Variants in ZFR2 observed in about 807,000 individuals in gnomAD.
ZFR2 encodes zinc finger RNA binding protein 2.
In ZFR2, 104 loss-of-function variants were observed where a neutral mutation model predicts 105.7. The ratio of observed to expected loss-of-function variants is 0.98; its 90% CI spans 0.84 to 1.16. ZFR2 has a LOEUF of 1.16. Among genes scored for constraint, ZFR2 ranks in the 50% most tolerant of loss-of-function variants. The probability of loss-of-function intolerance (pLI) is 0.00; values close to 1 mark genes in which losing one functional copy is unlikely to be tolerated. For synonymous variants in ZFR2, 634 were observed against 597.7 expected (o/e 1.06, Z -0.89); for missense variants, 1,425 against 1,355.5 (o/e 1.05, Z -0.80).
intron 15 of ZFR2, 144 bp from the exon 16 acceptor site, chr19:3,810,989 A>C (rs371357966): frequency 8.6e-6 from 8 of 932,152 alleles, no homozygotes; most frequent in African/African-American, 6.8e-5. Context: ...AACAGAGTCC[A>C]CTCCCACATG....
chr19:3,860,414 C>T (rs2038359771), intron 1 of ZFR2, among the ~76,000 whole-genome samples: 1 of 152,152 alleles, frequency 6.6e-6, no homozygotes, highest in Non-Finnish European at 1.5e-5. Flanking sequence ...AGCTCCAAAC[C>T]AGGACCCGCC....
At chr19:3,836,645 G>A (rs939414487) in intron 1 of ZFR2, among the ~76,000 whole-genome samples, 4 of 152,150 alleles carry the variant, frequency 2.6e-5, no homozygotes, top group African/African-American at 9.7e-5. Context: ...AGTCTTTGTA[G>A]GGTTTGCACA....
At chr19:3,845,563 A>G in intron 1 of ZFR2, among the ~76,000 whole-genome samples, 1 of 151,818 alleles carries the variant, frequency 6.6e-6, no homozygotes, top group East Asian at 1.9e-4. Flanking sequence ...AGGCTGAGGC[A>G]GGAGGACTGC....
rs746355785 is a variant in ZFR2, at chr19:3,822,077, G to T, written c.1491+4C>A. On this transcript the variant is annotated splice_donor_region_variant and intron_variant, in intron 9 of 18. Coordinates refer to ENST00000262961, the MANE Select transcript of ZFR2 (RefSeq NM_015174.2). ...GGTGTCGGAGCTCCCCCTGCTGGAC[G>T]CACCCGGTACTGCAGCCGGTGCCGC... 3 of 1,595,458 alleles carry T rather than the reference G, an allele frequency of 1.9e-6. No homozygotes were observed. The South Asian group carries it at 3.4e-5, about 18-fold the overall frequency.
At chr19:3,864,069 G>A (rs1179446114) in intron 1 of ZFR2, among the ~76,000 whole-genome samples, 3 of 152,114 alleles carry the variant, frequency 2.0e-5, no homozygotes, top group African/African-American at 7.2e-5. Flanking sequence ...AGGGGAAGGA[G>A]CTCAGCTTAT....
Position 3,807,103 on chromosome 19 carries a change from G to C in ZFR2, c.2643+69C>G. On this transcript the variant is annotated intron_variant, in intron 18 of 18. Transcript: ENST00000262961. Reference sequence around the variant, plus strand: ...AAGGGGAAACCCAGGCCATTTCGGGGAACACTGCACAGCTGCAAGCCGGAG... The same window carrying C: ...AAGGGGAAACCCAGGCCATTTCGGGCAACACTGCACAGCTGCAAGCCGGAG... 6 of 1,216,200 alleles carry C rather than the reference G, an allele frequency of 4.9e-6. No homozygotes were observed. In the South Asian group the frequency reaches 8.4e-5, roughly 17 times the overall value. 75.3% of individuals were successfully genotyped at this position (1,216,200 alleles called of 1,614,324 possible).
chr19:3,853,178 C>A (rs1482681985), intron 1 of ZFR2, among the ~76,000 whole-genome samples: 1 of 152,152 alleles, frequency 6.6e-6, no homozygotes, highest in Non-Finnish European at 1.5e-5. Context: ...GGGATTAGAG[C>A]CTAGCTCTGC....
chr19:3,831,281 C>T, intron 5 of ZFR2, 22 bp downstream of exon 5: 1 of 1,496,418 alleles, frequency 6.7e-7, no homozygotes, highest in Non-Finnish European at 8.9e-7. Context: ...TGGGGCCTGC[C>T]CATGGCAGGA....
chr19:3,866,390 GGTT>G (rs2038427169), intron 1 of ZFR2, among the ~76,000 whole-genome samples: 1 of 150,670 alleles, frequency 6.6e-6, no homozygotes, highest in Admixed American at 6.7e-5. Flanking sequence ...CTCAACACCG[GGTT>G]GCGTGTATAC....
chr19:3,806,019 C>A lies in ZFR2; in HGVS notation c.2750G>T (p.Gly917Val), dbSNP rs768433518. ...TGCGCCCTCCTCTCCCTCGCCAGGT[C>A]CCCGTTGCCTCTTCCGGAAGCGGGC... Reference protein sequence around the residue: ...LGARFRKRQRGPGEGEEGAGE... With the variant: ...LGARFRKRQRVPGEGEEGAGE... The change falls in exon 19 of 19, where the codon GGA (glycine) becomes GTA (valine). Residue 917 changes from glycine to valine, a missense_variant. Gly to Val is a moderately radical substitution (Grantham distance 109). Coordinates refer to ENST00000262961, the MANE Select transcript of ZFR2 (RefSeq NM_015174.2). 4.5e-6 allele frequency: 7 copies of A among 1,547,048 alleles called. No individual in the cohort carries two copies. The highest frequency in any genetic ancestry group is 6.1e-6 in the Non-Finnish European group (7 of 1,147,588).
chr19:3,845,315 T>C (rs1206194780), intron 1 of ZFR2, among the ~76,000 whole-genome samples: 1 of 152,082 alleles, frequency 6.6e-6, no homozygotes, highest in African/African-American at 2.4e-5. Context: ...CAAAATTTTT[T>C]TTTTATTACA....
chr19:3,815,528 G>A (rs77112265), intron 13 of ZFR2, among the ~76,000 whole-genome samples: 4,197 of 152,194 alleles, frequency 0.028, 179 homozygotes, highest in African/African-American at 0.093. Context: ...CTTTTCTTAC[G>A]GCTTCCTAGT....
intron 1 of ZFR2, among the ~76,000 whole-genome samples, chr19:3,844,785 AC>A (rs1319738618): frequency 1.3e-5 from 2 of 152,194 alleles, no homozygotes; most frequent in African/African-American, 2.4e-5. Flanking sequence ...CCAGCAGAGA[AC>A]GAGGCCTGGT....
rs1022119778 is a variant in ZFR2 at position 3,813,575 on chromosome 19, A to G, written c.2242+245T>C. Among the ~76,000 whole-genome samples, 3 of 152,174 alleles carry G rather than the reference A, an allele frequency of 2.0e-5. No individual in the cohort carries two copies. Among genetic ancestry groups the G allele is most frequent in the African/African-American group, 4.8e-5 (2 of 41,454 alleles). On this transcript the variant is annotated intron_variant, in intron 14 of 18. Coordinates refer to ENST00000262961, the MANE Select transcript of ZFR2 (RefSeq NM_015174.2). The surrounding 1 kb of genome is among the most constrained non-coding windows in gnomAD (Gnocchi z 4.4). ...GAGGTGACACGGTGTCGCTTGCCCG[A>G]GCAAGGCCCCTGCAGCCAGGCTCTG...
intron 1 of ZFR2, among the ~76,000 whole-genome samples, chr19:3,866,722 G>A (rs2038433797): frequency 6.6e-6 from 1 of 152,196 alleles, no homozygotes; most frequent in Non-Finnish European, 1.5e-5. Context: ...AGGCAGAGGG[G>A]TGGAGTGTGT....
chr19:3,820,136 G>C (rs1201480531), intron 11 of ZFR2, 46 bp downstream of exon 11: 2 of 1,530,378 alleles, frequency 1.3e-6, no homozygotes, highest in East Asian at 2.5e-5. Flanking sequence ...CTGCTCCGGG[G>C]AGTGTGAGGT....
At chr19:3,817,792 C>T (rs2037842826) in intron 12 of ZFR2, among the ~76,000 whole-genome samples, 1 of 149,988 alleles carries the variant, frequency 6.7e-6, no homozygotes, top group Admixed American at 6.7e-5. Context: ...GAGAGGGCAG[C>T]TTCCTGGGCG....
rs2038014738 is a variant in ZFR2, at chr19:3,831,457, A to G, written c.698T>C (p.Leu233Pro). The G allele has an allele frequency of 1.9e-6, 3 of 1,549,850 alleles. No individual in the cohort carries two copies. Among genetic ancestry groups the G allele is most frequent in the East Asian group, 4.9e-5 (2 of 41,054 alleles). Residue 233 changes from leucine (L) to proline (P), a missense_variant, in exon 5 of 19, where the codon CTG (leucine) becomes CCG (proline). By Grantham distance (98) the Leu-to-Pro change is moderately conservative. Coordinates refer to ENST00000262961, the MANE Select transcript of ZFR2 (RefSeq NM_015174.2). Reference protein sequence around the residue: ...PPPPPGPPQQLPPPPAPAGSG... With the variant: ...PPPPPGPPQQPPPPPAPAGSG... ...GCCTGCAGGCGCGGGCGGCGGGGGC[A>G]GCTGCTGCGGGGGTCCCGGGGGAGG...
At chr19:3,855,919 T>C (rs2038293618) in intron 1 of ZFR2, among the ~76,000 whole-genome samples, 1 of 152,056 alleles carries the variant, frequency 6.6e-6, no homozygotes, top group Non-Finnish European at 1.5e-5. Flanking sequence ...TCACAGGCCA[T>C]CGTAGGGGCT....
Sources: gnomAD v4.1 joint callset for allele counts (sites outside exome capture counted in the v4.1 genomes callset) on GRCh38, gnomAD v4.1.1 for gene constraint, Gnocchi (gnomAD v3.1) non-coding constraint, MANE v1.5 for transcripts, NCBI Gene and HGNC (gene_info 2026-07-23, HGNC 2026-07-21) for gene names.